THSD4: variants seen among roughly 807,000 people sequenced by gnomAD.
THSD4 encodes thrombospondin type 1 domain containing 4.
THSD4 carries 69 observed loss-of-function variants against 119.0 expected under a neutral mutation model. That is an observed-to-expected ratio of 0.58 (90% confidence interval 0.48 to 0.71). The LOEUF is 0.71. Ranked by LOEUF, THSD4 falls within the 30% of genes least tolerant of loss-of-function variation. The pLI is 0.00. For missense variants in THSD4, 1,393 were observed against 1,391.1 expected (o/e 1.00, Z -0.02); for synonymous variants, 524 against 540.4 (o/e 0.97, Z 0.42).
At chr15:71,584,285 T>G (rs2049620060) in intron 7 of THSD4, among the ~76,000 whole-genome samples, 1 of 99,300 alleles carries the variant, frequency 1.0e-5, no homozygotes, top group Non-Finnish European at 2.1e-5. Context: ...TTTTTTTTTT[T>G]GAGACAATGT....
At chr15:71,104,727 C>G (rs1052449213) in intron 1 of THSD4, among the ~76,000 whole-genome samples, 1 of 152,150 alleles carries the variant, frequency 6.6e-6, no homozygotes, top group African/African-American at 2.4e-5. Flanking sequence ...GGTGTGATAT[C>G]TTGAAGTGGG....
At chr15:71,127,337 C>T (rs1418713803) in intron 1 of THSD4, among the ~76,000 whole-genome samples, 4 of 152,202 alleles carry the variant, frequency 2.6e-5, no homozygotes, top group Admixed American at 6.5e-5. Flanking sequence ...TAGATTGATT[C>T]CATGACTTGG....
intron 8 of THSD4, among the ~76,000 whole-genome samples, chr15:71,689,825 G>A (rs2052008822): frequency 6.6e-6 from 1 of 152,180 alleles, no homozygotes. Flanking sequence ...TCCAGTTTGG[G>A]TTCTGAGTCC....
intron 8 of THSD4, among the ~76,000 whole-genome samples, chr15:71,673,645 C>T (rs1369897530): frequency 6.6e-6 from 1 of 152,240 alleles, no homozygotes; most frequent in Admixed American, 6.5e-5. Context: ...AAATTTCCTT[C>T]TGCACACTGC....
chr15:71,534,112 C>T (rs973855341), intron 7 of THSD4, among the ~76,000 whole-genome samples: 3 of 152,128 alleles, frequency 2.0e-5, no homozygotes, highest in African/African-American at 7.2e-5. Flanking sequence ...ACACACTTGG[C>T]TAGCTTTTCA....
At chr15:71,713,612 A>C (rs565166613) in intron 8 of THSD4, among the ~76,000 whole-genome samples, 1 of 152,308 alleles carries the variant, frequency 6.6e-6, no homozygotes, top group African/African-American at 2.4e-5. Flanking sequence ...CATGACAACC[A>C]GGGTATCATT....
intron 6 of THSD4, among the ~76,000 whole-genome samples, chr15:71,398,167 T>C (rs1259870878): frequency 6.6e-6 from 1 of 152,184 alleles, no homozygotes; most frequent in Non-Finnish European, 1.5e-5. Context: ...AAGTCACATC[T>C]GCAAGGTCAG....
At chr15:71,125,842 C>T (rs2040450222) in intron 1 of THSD4, among the ~76,000 whole-genome samples, 1 of 152,222 alleles carries the variant, frequency 6.6e-6, no homozygotes, top group African/African-American at 2.4e-5. Context: ...CATGTTTTTG[C>T]TGTGTATGTT....
chr15:71,469,272 G>A (rs944460053), intron 7 of THSD4, among the ~76,000 whole-genome samples: 5 of 152,160 alleles, frequency 3.3e-5, no homozygotes, highest in African/African-American at 1.2e-4. Flanking sequence ...CAGGCCCTAT[G>A]TGGTTGTCAT....
intron 7 of THSD4, among the ~76,000 whole-genome samples, chr15:71,427,703 C>T (rs1369898261): frequency 6.6e-6 from 1 of 151,034 alleles, no homozygotes; most frequent in African/African-American, 2.4e-5. Context: ...TCTGGTGGTG[C>T]CATTCTTAGT....
chr15:71,511,243 G>A (rs2048279542), intron 7 of THSD4, among the ~76,000 whole-genome samples: 2 of 152,172 alleles, frequency 1.3e-5, no homozygotes, highest in Non-Finnish European at 1.5e-5. Flanking sequence ...CTTGAGGGAC[G>A]TTTTAACAGA....
chr15:71,557,357 A>G (rs1198677336), intron 7 of THSD4, among the ~76,000 whole-genome samples: 1 of 152,082 alleles, frequency 6.6e-6, no homozygotes, highest in East Asian at 1.9e-4. Context: ...TTCTATTTTT[A>G]TTAAATTAAT....
At chr15:71,216,225 A>G in intron 4 of THSD4, among the ~76,000 whole-genome samples, 1 of 147,910 alleles carries the variant, frequency 6.8e-6, no homozygotes, top group East Asian at 1.9e-4. Context: ...AAGAACAAAA[A>G]GTGTAAGATG....
At chr15:71,732,232 A>G (rs2052994562) in intron 10 of THSD4, 1 of 152,238 alleles carries the variant, frequency 6.6e-6, no homozygotes, top group Non-Finnish European at 1.5e-5. Context: ...GGACATCTTT[A>G]GGGGGCCATT....
Position 71,420,517 on chromosome 15 carries a change from C to T in THSD4, c.1152+8694C>T, listed in dbSNP as rs559237482. On this transcript the variant is annotated intron_variant, in intron 7 of 17. Coordinates refer to ENST00000261862, the MANE Select transcript of THSD4 (RefSeq NM_024817.3). ...TGACTTATTTCTGCCATTTGTTATT[C>T]GTTTTCTGATTGTTTTGTAGTCTTC... Among the ~76,000 whole-genome samples, 7 of 105,474 alleles carry T rather than the reference C, an allele frequency of 6.6e-5. 3 individuals are homozygous for T. Among genetic ancestry groups the T allele is most frequent in the East Asian group, 6.4e-4 (2 of 3,148 alleles). 69.2% of individuals were successfully genotyped at this position (105,474 alleles called of 152,430 possible).
chr15:71,649,098 T>C (rs1233183077), intron 7 of THSD4, among the ~76,000 whole-genome samples: 2 of 152,204 alleles, frequency 1.3e-5, no homozygotes, highest in Non-Finnish European at 2.9e-5. Context: ...TCCCAGCAAG[T>C]GCACTTCAGA....
At chr15:71,564,959 A>G (rs1567039466) in intron 7 of THSD4, among the ~76,000 whole-genome samples, 1 of 152,194 alleles carries the variant, frequency 6.6e-6, no homozygotes, top group South Asian at 2.1e-4. Context: ...GATAAGGAAG[A>G]CTATCAATAG....
At chr15:71,326,161 A>T (rs762121049) in intron 6 of THSD4, among the ~76,000 whole-genome samples, 1 of 152,170 alleles carries the variant, frequency 6.6e-6, no homozygotes, top group African/African-American at 2.4e-5. Context: ...TTGGCCACTA[A>T]TGTGACCTAG....
At chr15:71,125,082 G>T (rs911321951) in intron 1 of THSD4, among the ~76,000 whole-genome samples, 1 of 151,812 alleles carries the variant, frequency 6.6e-6, no homozygotes, top group East Asian at 1.9e-4. Flanking sequence ...AGAAAGAGAA[G>T]AGAAGAGGAG....
Sources: gnomAD v4.1 joint callset for allele counts (sites outside exome capture counted in the v4.1 genomes callset) on GRCh38, gnomAD v4.1.1 for gene constraint, MANE v1.5 for transcripts, NCBI Gene and HGNC (gene_info 2026-07-23, HGNC 2026-07-21) for gene names.